Variants in SHB observed in about 807,000 individuals in gnomAD.
The protein encoded by SHB is SH2 domain containing adaptor protein B.
Under a neutral mutation model 52.3 loss-of-function variants are expected in SHB, and 20 were observed. That is an observed-to-expected ratio of 0.38 (90% CI 0.27 to 0.56). The LOEUF (loss-of-function observed/expected upper bound fraction) is 0.56. SHB is among the 20% of genes least tolerant of loss of function. The probability of loss-of-function intolerance (pLI) is 0.71; values close to 1 mark genes in which losing one functional copy is unlikely to be tolerated. For missense variants in SHB, 825 were observed against 723.3 expected, an observed-to-expected ratio of 1.14 and a Z score of -1.61; for synonymous variants, 397 against 316.5, an observed-to-expected ratio of 1.25 and a Z score of -2.70.
chr9:38,028,797 ACAT>A lies in SHB; in HGVS notation c.718-12669_718-12667del, dbSNP rs1298945484. ...AAGGATTCCATTTTTCTAAAATATA[ACAT>A]CAAAGAAATGTGTTTATATCCATAG... is the stretch of plus-strand genomic sequence containing the variant. On this transcript the variant is annotated intron_variant, in intron 1 of 5. Transcript: ENST00000377707. Among the ~76,000 whole-genome samples, 5 of 152,380 alleles carry A rather than the reference ACAT, an allele frequency of 3.3e-5. No homozygotes were observed. The East Asian group carries it at 9.6e-4, about 29-fold the overall frequency.
At chr9:37,977,617 C>T (rs550322165) in intron 2 of SHB, among the ~76,000 whole-genome samples, 2 of 152,286 alleles carry the variant, frequency 1.3e-5, no homozygotes, top group Admixed American at 6.5e-5. Flanking sequence ...TGTCACTTTA[C>T]GGTGAAGACC....
intron 1 of SHB, among the ~76,000 whole-genome samples, chr9:38,033,321 G>T (rs559762348): frequency 6.6e-6 from 1 of 152,266 alleles, no homozygotes; most frequent in Non-Finnish European, 1.5e-5. Context: ...ATTTATCAGG[G>T]ATAACACCAG....
intron 1 of SHB, among the ~76,000 whole-genome samples, chr9:38,063,040 T>C (rs1460567092): frequency 6.6e-6 from 1 of 152,224 alleles, no homozygotes; most frequent in Non-Finnish European, 1.5e-5. Context: ...GTGGTTACTA[T>C]GAAGCCTGGG....
chr9:37,986,981 G>A (rs2244207), intron 2 of SHB, among the ~76,000 whole-genome samples: 86,785 of 152,128 alleles, frequency 0.57, 25,137 homozygotes, highest in East Asian at 0.75. Context: ...GAGGCCTGGG[G>A]CCACACTCTA....
chr9:38,032,417 T>C (rs1821427045), intron 1 of SHB, among the ~76,000 whole-genome samples: 1 of 152,200 alleles, frequency 6.6e-6, no homozygotes, highest in Admixed American at 6.5e-5. Flanking sequence ...TCCAGGCTCC[T>C]TCTGGGCAAC....
rs548688365 is a variant in SHB, at chr9:37,994,904, C to A, written c.839-20067G>T. Among the ~76,000 whole-genome samples, 136 of 152,292 alleles carry A rather than the reference C, an allele frequency of 8.9e-4. 1 individual carries two copies. Among genetic ancestry groups the A allele is most frequent in the Non-Finnish European group, 1.5e-3 (100 of 68,028 alleles). Reference sequence around the variant, plus strand: ...TTACATTCACCCCTAAAAGGAAGAGCCCTGTACTCTGTGACAAGGCTGAGA... The same window carrying A: ...TTACATTCACCCCTAAAAGGAAGAGACCTGTACTCTGTGACAAGGCTGAGA... On this transcript the variant is annotated intron_variant, in intron 2 of 5. Coordinates refer to ENST00000377707, the MANE Select transcript of SHB (RefSeq NM_003028.3).
chr9:37,975,766 C>T (rs935202181), intron 2 of SHB, among the ~76,000 whole-genome samples: 8 of 152,192 alleles, frequency 5.3e-5, no homozygotes, highest in Non-Finnish European at 1.2e-4. Context: ...TTTCAGGAAC[C>T]TCACTGTTCC....
chr9:38,015,376 A>G (rs1821196484), intron 2 of SHB: 1 of 702,274 alleles, frequency 1.4e-6, no homozygotes, highest in Admixed American at 2.0e-5. Flanking sequence ...CTGCATACCC[A>G]GCCACATTCT....
At chr9:37,999,491 C>T (rs1269215776) in intron 2 of SHB, among the ~76,000 whole-genome samples, 1 of 152,086 alleles carries the variant, frequency 6.6e-6, no homozygotes, top group Non-Finnish European at 1.5e-5. Flanking sequence ...ACAATTAGGC[C>T]CAATTCGAAA....
intron 1 of SHB, among the ~76,000 whole-genome samples, chr9:38,020,753 G>C (rs1821272260): frequency 6.6e-6 from 1 of 152,072 alleles, no homozygotes; most frequent in Non-Finnish European, 1.5e-5. Context: ...AATAACCTAT[G>C]AAAATAAAAA....
intron 3 of SHB, among the ~76,000 whole-genome samples, chr9:37,956,489 A>G (rs547735718): frequency 9.8e-4 from 150 of 152,294 alleles, no homozygotes; most frequent in African/African-American, 3.5e-3. Flanking sequence ...CATACTGGCC[A>G]CATCTGCCCC....
At chr9:38,004,854 C>G (rs1052377671) in intron 2 of SHB, among the ~76,000 whole-genome samples, 1 of 152,250 alleles carries the variant, frequency 6.6e-6, no homozygotes, top group African/African-American at 2.4e-5. Flanking sequence ...AGGATACACA[C>G]TGCCCCATTG....
At position 38,040,782 on chromosome 9, in the gene SHB, T is replaced by C. The variant is rs1201944044; in HGVS notation, c.718-24651A>G. ...AAAATGAAGAAAAGGAGTTTGGGGA[T>C]AGATTTTGAGGGCTCTAGATGCTAA... On this transcript the variant is annotated intron_variant, in intron 1 of 5. Coordinates refer to ENST00000377707, the MANE Select transcript of SHB (RefSeq NM_003028.3). 2.0e-5 allele frequency among the ~76,000 whole-genome samples: 3 copies of C among 151,852 alleles called. No individual in the cohort carries two copies. The East Asian group carries it at 5.8e-4, about 29-fold the overall frequency.
chr9:37,985,531 C>T (rs1587229658), intron 2 of SHB, among the ~76,000 whole-genome samples: 1 of 152,244 alleles, frequency 6.6e-6, no homozygotes, highest in South Asian at 2.1e-4. Context: ...TGGCGCCATC[C>T]CCCGTGGAGA....
chr9:38,018,444 C>T (rs943827197), intron 1 of SHB, among the ~76,000 whole-genome samples: 4 of 151,878 alleles, frequency 2.6e-5, no homozygotes, highest in Admixed American at 1.3e-4. Flanking sequence ...CAGGAAAAGC[C>T]CCTGGTCTCT....
At chr9:37,942,702 G>C (rs1490484022) in intron 5 of SHB, among the ~76,000 whole-genome samples, 1 of 152,228 alleles carries the variant, frequency 6.6e-6, no homozygotes, top group Non-Finnish European at 1.5e-5. Flanking sequence ...CAGGTGCGGG[G>C]AAAGAGATGG....
intron 5 of SHB, among the ~76,000 whole-genome samples, chr9:37,948,174 C>T (rs1056150292): frequency 2.6e-5 from 4 of 152,204 alleles, no homozygotes; most frequent in Non-Finnish European, 4.4e-5. Context: ...CTAGGTCATG[C>T]TCACAGTGGC....
intron 3 of SHB, among the ~76,000 whole-genome samples, chr9:37,964,921 G>A (rs907954075): frequency 1.3e-5 from 2 of 152,156 alleles, no homozygotes; most frequent in African/African-American, 2.4e-5. Context: ...CCTGAGTTCC[G>A]GGCCAGGCCC....
At position 37,917,595 on chromosome 9, in the gene SHB, C is replaced by A. The variant is rs1310039795; in HGVS notation, c.*2226G>T. The stretch of plus-strand genomic sequence containing the variant: ...CCCTCTTCCTCAGCCTCTCTTGGGC[C>A]TCCTCTGAGAATAAGCCTTGGGGTC... On this transcript the variant is annotated 3_prime_UTR_variant, in exon 6 of 6. Coordinates refer to ENST00000377707, the MANE Select transcript of SHB (RefSeq NM_003028.3). Among the ~76,000 whole-genome samples the A allele has an allele frequency of 6.6e-6, 1 of 152,218 alleles. No individual in the cohort carries two copies. Among genetic ancestry groups the A allele is most frequent in the Non-Finnish European group, 1.5e-5 (1 of 68,040 alleles).
Sources: allele counts gnomAD v4.1 joint callset (sites outside exome capture counted in the v4.1 genomes callset), GRCh38; gene constraint gnomAD v4.1.1; transcripts MANE v1.5; gene names NCBI Gene and HGNC (gene_info 2026-07-23, HGNC 2026-07-21).